The following EDARADD variants were observed in gnomAD, a reference collection of about 807,000 sequenced individuals.
EDARADD encodes EDAR associated via death domain, also known as ectodysplasin-A receptor-associated adapter protein.
A neutral mutation model predicts 25.6 loss-of-function variants in EDARADD; 20 were observed. The observed-to-expected ratio is 0.78, with a 90% confidence interval of 0.55 to 1.14. The LOEUF (loss-of-function observed/expected upper bound fraction) is 1.14. EDARADD is among the 50% of genes most tolerant of loss of function. EDARADD has a pLI of 0.00. For synonymous variants in EDARADD, 86 were observed against 94.4 expected (o/e 0.91, Z 0.52); for missense variants, 225 against 270.1 (o/e 0.83, Z 1.17).
chr1:236,395,631 T>TA lies in EDARADD; in HGVS notation c.61+1126_61+1127insA. ...CTCGTTTGCCCCTAACCCGCCGCCA[T>TA]GGCTTCACCGGACGACCCTCTGCGC... On this transcript the variant is annotated intron_variant, in intron 1 of 5. Transcript: ENST00000334232. The surrounding 1 kb of genome is among the most constrained non-coding windows in gnomAD (Gnocchi z 6.9). 1 of 1,573,742 alleles carries TA rather than the reference T, an allele frequency of 6.4e-7. No homozygotes were observed. Among genetic ancestry groups the TA allele is most frequent in the Non-Finnish European group, 8.6e-7 (1 of 1,162,024 alleles).
At chr1:236,454,193 A>G (rs560388956) in intron 4 of EDARADD, among the ~76,000 whole-genome samples, 13 of 152,190 alleles carry the variant, frequency 8.5e-5, no homozygotes, top group African/African-American at 1.9e-4. Context: ...CTACAGGCGT[A>G]TGCTACCACA....
chr1:236,398,985 A>T lies in EDARADD; in HGVS notation c.61+4480A>T, dbSNP rs1028596407. On this transcript the variant is annotated intron_variant, in intron 1 of 5. Transcript: ENST00000334232. This position sits in a 1 kb window ranked among gnomAD's most constrained non-coding sequence, Gnocchi z 4.1. ...CTCAGTGAATGAAGGAAGGTTATAAAATTTAACCACAGGCTCTTTAAAGAG... is the reference window on the plus strand; with the variant it reads ...CTCAGTGAATGAAGGAAGGTTATAATATTTAACCACAGGCTCTTTAAAGAG... Among the ~76,000 whole-genome samples the T allele has an allele frequency of 1.3e-5, 2 of 152,146 alleles. No individual in the cohort carries two copies. Among genetic ancestry groups the T allele is most frequent in the African/African-American group, 4.8e-5 (2 of 41,434 alleles).
At chr1:236,384,311 A>G (rs964097191) in intron 3 of EDARADD, among the ~76,000 whole-genome samples, 5 of 152,224 alleles carry the variant, frequency 3.3e-5, no homozygotes, top group African/African-American at 1.2e-4. Context: ...CCAATATTTG[A>G]TATGAACAAG....
intron 3 of EDARADD, among the ~76,000 whole-genome samples, chr1:236,360,620 A>G (rs561585789): frequency 2.1e-4 from 30 of 139,866 alleles, no homozygotes; most frequent in African/African-American, 7.7e-4. Flanking sequence ...ATCTTGGTTC[A>G]CTGTAACCTC....
chr1:236,478,384 T>TGC (rs978126540), intron 5 of EDARADD, among the ~76,000 whole-genome samples: 5 of 148,884 alleles, frequency 3.4e-5, no homozygotes, highest in African/African-American at 1.2e-4. Flanking sequence ...TGTGTGTGTG[T>TGC]GTATGGATTT....
chr1:236,362,887 T>A (rs1239244061), intron 3 of EDARADD, among the ~76,000 whole-genome samples: 1 of 149,216 alleles, frequency 6.7e-6, no homozygotes, highest in African/African-American at 2.5e-5. Flanking sequence ...ATTTGTGGGC[T>A]GGTTGCAGTG....
intron 4 of EDARADD, among the ~76,000 whole-genome samples, chr1:236,434,507 T>G (rs1396739563): frequency 6.6e-6 from 1 of 152,220 alleles, no homozygotes; most frequent in Admixed American, 6.5e-5. Context: ...CCCAAAGTGT[T>G]AGGATTATAG....
chr1:236,366,828 G>T (rs1471005716), intron 3 of EDARADD, among the ~76,000 whole-genome samples: 5 of 151,048 alleles, frequency 3.3e-5, no homozygotes, highest in African/African-American at 1.2e-4. Flanking sequence ...TGTAAATCCA[G>T]CACTTTGGGA....
chr1:236,359,412 C>A (rs984290608), intron 3 of EDARADD, among the ~76,000 whole-genome samples: 1 of 152,192 alleles, frequency 6.6e-6, no homozygotes, highest in Non-Finnish European at 1.5e-5. Flanking sequence ...CTTCAACCTT[C>A]CGCCATGTGA....
In EDARADD at chr1:236,483,139, T is replaced by G; in HGVS notation, c.*490T>G. The G allele has an allele frequency of 2.8e-6, 4 of 1,445,832 alleles. No homozygotes were observed. The highest frequency in any genetic ancestry group is 3.9e-6 in the Non-Finnish European group (4 of 1,032,600). 89.6% of individuals were successfully genotyped at this position (1,445,832 alleles called of 1,614,324 possible). A position where few individuals can be genotyped will look rare whatever the true frequency, so the allele number is the denominator to read the frequency against. On this transcript the variant is annotated 3_prime_UTR_variant, in exon 6 of 6. Transcript: ENST00000334232. ...CACCCTCCACTTCTCTCCTAGGCAA[T>G]GAGACCCAGTGGCTAGAAATTCACC...
At chr1:236,432,602 C>A (rs1658126953) in intron 4 of EDARADD, among the ~76,000 whole-genome samples, 1 of 152,046 alleles carries the variant, frequency 6.6e-6, no homozygotes, top group Non-Finnish European at 1.5e-5. Flanking sequence ...TAAGAAACTG[C>A]AGACCAACTC....
chr1:236,389,362 C>T (rs1297719098), upstream of EDARADD, among the ~76,000 whole-genome samples: 1 of 152,216 alleles, frequency 6.6e-6, no homozygotes, highest in African/African-American at 2.4e-5. Context: ...ATACACCATA[C>T]TAAGAATCAC....
At chr1:236,396,084 C>T (rs754265784) in intron 1 of EDARADD, among the ~76,000 whole-genome samples, 25 of 152,190 alleles carry the variant, frequency 1.6e-4, no homozygotes, top group Non-Finnish European at 2.8e-4. Flanking sequence ...ACTCCTCTTC[C>T]TCTCTCCCAT....
intron 5 of EDARADD, among the ~76,000 whole-genome samples, chr1:236,471,273 C>T (rs986940271): frequency 1.3e-5 from 2 of 152,086 alleles, no homozygotes; most frequent in Non-Finnish European, 1.5e-5. Context: ...ATCAAACGCC[C>T]ACCAAAAGCC....
At chr1:236,414,165 A>G (rs1293640821) in intron 2 of EDARADD, 95 bp from the exon 3 acceptor site, 2 of 1,078,376 alleles carry the variant, frequency 1.9e-6, no homozygotes, top group African/African-American at 3.1e-5. Context: ...CAAGTTTTTA[A>G]TTGAAGTCAT....
chr1:236,398,156 A>T lies in EDARADD; in HGVS notation c.61+3651A>T, dbSNP rs548478756. ...TTATTATTTTTCAAGATGGAGTCTC[A>T]CTCTGTCACCCAGGCTGGAGTGCAG... On this transcript the variant is annotated intron_variant, in intron 1 of 5. Transcript: ENST00000334232. The surrounding 1 kb of genome is among the most constrained non-coding windows in gnomAD (Gnocchi z 4.1). Among the ~76,000 whole-genome samples the T allele has an allele frequency of 5.9e-5, 9 of 151,862 alleles. No homozygotes were observed. In the South Asian group the frequency reaches 1.9e-3, roughly 32 times the overall value.
At chr1:236,422,899 G>A (rs966979539) in intron 3 of EDARADD, among the ~76,000 whole-genome samples, 15 of 152,220 alleles carry the variant, frequency 9.9e-5, no homozygotes, top group African/African-American at 1.9e-4. Flanking sequence ...AATGGACAGC[G>A]CAGTATGGAG....
At position 236,395,155 on chromosome 1, in the gene EDARADD, G is replaced by C. The variant is rs910024247; in HGVS notation, c.61+650G>C. Among the ~76,000 whole-genome samples, 6 of 152,246 alleles carry C rather than the reference G, an allele frequency of 3.9e-5. No homozygotes were observed. Among genetic ancestry groups the C allele is most frequent in the African/African-American group, 1.4e-4 (6 of 41,480 alleles). ...GCTGAGGGCGTGAGTAGGGAGCCAG[G>C]AAAGCGACCCGCGACTGCAGCCGTT... On this transcript the variant is annotated intron_variant, in intron 1 of 5. Transcript: ENST00000334232. This position sits in a 1 kb window ranked among gnomAD's most constrained non-coding sequence, Gnocchi z 6.9.
chr1:236,418,902 G>A (rs978886007), intron 3 of EDARADD, among the ~76,000 whole-genome samples: 7 of 151,986 alleles, frequency 4.6e-5, no homozygotes, highest in African/African-American at 1.2e-4. Context: ...TACACTCCCC[G>A]CCCCCGCTCC....
Sources: allele counts gnomAD v4.1 joint callset (sites outside exome capture counted in the v4.1 genomes callset), GRCh38; gene constraint gnomAD v4.1.1; non-coding constraint Gnocchi (gnomAD v3.1); transcripts MANE v1.5; gene names NCBI Gene and HGNC (gene_info 2026-07-23, HGNC 2026-07-21).